LRRC7: variants seen among roughly 807,000 people sequenced by gnomAD.
LRRC7 encodes the protein leucine-rich repeat-containing protein 7.
A neutral mutation model predicts 175.7 loss-of-function variants in LRRC7; 23 were observed. The ratio of observed to expected loss-of-function variants is 0.13; its 90% CI spans 0.09 to 0.19. The LOEUF (loss-of-function observed/expected upper bound fraction) is 0.19, where lower values mean the gene tolerates loss of function less well. LRRC7 is among the 10% of genes least tolerant of loss of function. The pLI is 1.00. For missense variants in LRRC7, 1,354 were observed against 1,904.7 expected (o/e 0.71, Z 5.38); for synonymous variants, 685 against 680.9 (o/e 1.01, Z -0.09).
At chr1:69,765,663 A>G (rs1671545598) in intron 3 of LRRC7, among the ~76,000 whole-genome samples, 1 of 152,118 alleles carries the variant, frequency 6.6e-6, no homozygotes, top group Non-Finnish European at 1.5e-5. Context: ...TCAGGGTGAT[A>G]CAAATTATTA....
chr1:69,643,225 G>A (rs919696163), intron 1 of LRRC7, among the ~76,000 whole-genome samples: 4 of 152,032 alleles, frequency 2.6e-5, no homozygotes, highest in Non-Finnish European at 5.9e-5. Flanking sequence ...TGTTGAGCTC[G>A]GATCTTCTTT....
intron 11 of LRRC7, among the ~76,000 whole-genome samples, chr1:70,008,588 T>C (rs1450522078): frequency 6.6e-6 from 1 of 152,238 alleles, no homozygotes; most frequent in Non-Finnish European, 1.5e-5. Context: ...TTTAAGATAA[T>C]ACACTTTAAA....
chr1:69,735,276 T>A (rs1430227271), intron 2 of LRRC7, among the ~76,000 whole-genome samples: 1 of 152,150 alleles, frequency 6.6e-6, no homozygotes, highest in African/African-American at 2.4e-5. Flanking sequence ...TTGTTTTTAA[T>A]CCAATCAGTG....
intron 2 of LRRC7, among the ~76,000 whole-genome samples, chr1:69,709,363 TCACC>T (rs1664458893): frequency 6.6e-6 from 1 of 152,200 alleles, no homozygotes; most frequent in African/African-American, 2.4e-5. Context: ...TTTATTATGT[TCACC>T]CATCATTAAC....
intron 1 of LRRC7, among the ~76,000 whole-genome samples, chr1:69,585,377 A>G (rs958738649): frequency 6.6e-6 from 1 of 152,158 alleles, no homozygotes; most frequent in African/African-American, 2.4e-5. Flanking sequence ...TTTATAGACT[A>G]AAAAAGTACC....
At chr1:70,096,776 C>A (rs1172616857) in intron 25 of LRRC7, among the ~76,000 whole-genome samples, 1 of 152,088 alleles carries the variant, frequency 6.6e-6, no homozygotes, top group Non-Finnish European at 1.5e-5. Context: ...GTAGCTTCAG[C>A]TGGGGTGGTG....
intron 7 of LRRC7, among the ~76,000 whole-genome samples, chr1:69,926,644 T>C (rs1232580834): frequency 6.6e-6 from 1 of 151,718 alleles, no homozygotes; most frequent in Admixed American, 6.6e-5. Flanking sequence ...TGCCTTTTTT[T>C]GTTTCCATTT....
intron 21 of LRRC7, among the ~76,000 whole-genome samples, chr1:70,043,624 TA>T (rs1257589908): frequency 2.0e-5 from 3 of 152,348 alleles, no homozygotes; most frequent in African/African-American, 7.2e-5. Flanking sequence ...TTTAAATGAA[TA>T]GACTACCACA....
At chr1:69,602,139 A>T (rs1647098571) in intron 1 of LRRC7, among the ~76,000 whole-genome samples, 1 of 152,214 alleles carries the variant, frequency 6.6e-6, no homozygotes, top group Non-Finnish European at 1.5e-5. Context: ...TGACTTTAAA[A>T]TGTCAGAACA....
intron 13 of LRRC7, among the ~76,000 whole-genome samples, chr1:70,015,568 A>T (rs1360841543): frequency 6.6e-6 from 1 of 152,122 alleles, no homozygotes; most frequent in Non-Finnish European, 1.5e-5. Context: ...TGTTTGTACT[A>T]CTCACTTTGC....
chr1:69,905,979 G>A (rs1354162042), intron 7 of LRRC7, among the ~76,000 whole-genome samples: 1 of 152,202 alleles, frequency 6.6e-6, no homozygotes, highest in Non-Finnish European at 1.5e-5. Context: ...ATCTCATTGT[G>A]GTTTTGATTT....
At chr1:69,631,048 A>G in intron 1 of LRRC7, among the ~76,000 whole-genome samples, 1 of 152,124 alleles carries the variant, frequency 6.6e-6, no homozygotes, top group Non-Finnish European at 1.5e-5. Flanking sequence ...GAACCTTAAT[A>G]GAAGTACATA....
intron 5 of LRRC7, among the ~76,000 whole-genome samples, chr1:69,826,798 C>T (rs1004212272): frequency 1.3e-5 from 2 of 151,918 alleles, no homozygotes; most frequent in Non-Finnish European, 2.9e-5. Context: ...TAGAAGAAGA[C>T]ATAAATAAAT....
rs935686494 is a variant in LRRC7, at chr1:70,124,567, AT to A, written c.*2688del. Among the ~76,000 whole-genome samples the A allele has an allele frequency of 2.6e-5, 4 of 151,818 alleles. No homozygotes were observed. The highest frequency in any genetic ancestry group is 4.8e-5 in the African/African-American group (2 of 41,344). ...TATTTATTTAAGTAGAAAAGAGGCA[AT>A]TTTTTTTAGGTTGACTGAATAGAAT... is the stretch of plus-strand genomic sequence containing the variant. On this transcript the variant is annotated 3_prime_UTR_variant, in exon 27 of 27. Coordinates refer to ENST00000651989, the MANE Select transcript of LRRC7 (RefSeq NM_001370785.2).
Position 70,132,662 on chromosome 1 carries a change from G to A in LRRC7, c.*10775G>A, listed in dbSNP as rs908735771. 7.2e-5 allele frequency among the ~76,000 whole-genome samples: 11 copies of A among 151,746 alleles called. No homozygotes were observed. The highest frequency in any genetic ancestry group is 2.7e-4 in the African/African-American group (11 of 41,300). ...AATTTTTTGTATTTTTAGTAGAGACGGAGTTTCACCTTCTTGGCCAGGTTG... is the reference window on the plus strand; with the variant it reads ...AATTTTTTGTATTTTTAGTAGAGACAGAGTTTCACCTTCTTGGCCAGGTTG... On this transcript the variant is annotated 3_prime_UTR_variant, in exon 27 of 27. Coordinates refer to ENST00000651989, the MANE Select transcript of LRRC7 (RefSeq NM_001370785.2).
chr1:69,840,937 T>C (rs1279633934), intron 7 of LRRC7, among the ~76,000 whole-genome samples: 2 of 151,968 alleles, frequency 1.3e-5, no homozygotes, highest in East Asian at 1.9e-4. Context: ...GTGTAGATGG[T>C]AGAGAGAATT....
intron 11 of LRRC7, among the ~76,000 whole-genome samples, chr1:70,000,846 G>A (rs1196654991): frequency 1.3e-5 from 2 of 152,140 alleles, no homozygotes; most frequent in African/African-American, 4.8e-5. Flanking sequence ...GCTCCTAGGT[G>A]ATGTTAACAA....
At chr1:69,820,555 C>T (rs1371818415) in intron 4 of LRRC7, among the ~76,000 whole-genome samples, 2 of 152,078 alleles carry the variant, frequency 1.3e-5, no homozygotes, top group Non-Finnish European at 2.9e-5. Flanking sequence ...TGTTCCCCTC[C>T]CTGTGTCCAT....
intron 4 of LRRC7, among the ~76,000 whole-genome samples, chr1:69,819,654 A>C (rs980125430): frequency 1.3e-5 from 2 of 148,254 alleles, no homozygotes. Context: ...AGGGTATCGA[A>C]GTCCCTACTA....
Sources: allele counts gnomAD v4.1 joint callset (sites outside exome capture counted in the v4.1 genomes callset), GRCh38; gene constraint gnomAD v4.1.1; transcripts MANE v1.5; gene names NCBI Gene and HGNC (gene_info 2026-07-23, HGNC 2026-07-21).